The following CELF2 variants were observed in gnomAD, a reference collection of about 807,000 sequenced individuals.
CELF2 encodes the protein CUGBP Elav-like family member 2, also known as CUG triplet repeat RNA-binding protein 2.
A neutral mutation model predicts 62.6 loss-of-function variants in CELF2; 8 were observed. The observed-to-expected ratio is 0.13, with a 90% CI of 0.07 to 0.23. CELF2 has a LOEUF of 0.23. CELF2 is among the 10% of genes least tolerant of loss of function. The pLI is 1.00. For missense variants in CELF2, 333 were observed against 671.0 expected (o/e 0.50, Z 5.56); for synonymous variants, 258 against 250.0 (o/e 1.03, Z -0.30).
At chr10:10,586,972 A>G in the CELF2 span, among the ~76,000 whole-genome samples, 81,166 of 151,864 alleles carry the variant, frequency 0.53, 22,366 homozygotes, top group East Asian at 0.73. Context: ...GTACAGGGAG[A>G]AGGCCTTTGG....
chr10:10,754,061 G>GGTTTTTTTTTTTTTTTT, the CELF2 span, among the ~76,000 whole-genome samples: 3 of 85,056 alleles, frequency 3.5e-5, no homozygotes, highest in Non-Finnish European at 6.6e-5. Context: ...TGCTGAGGTG[G>GGTTTTTTTTTTTTTTTT]TTTTTTTTTT....
chr10:11,044,279 G>C (rs1283018129), intron 1 of CELF2, among the ~76,000 whole-genome samples: 3 of 152,316 alleles, frequency 2.0e-5, no homozygotes, highest in East Asian at 3.8e-4. Flanking sequence ...GAAACAGCAG[G>C]GGCTTGGTCT....
Position 11,285,860 on chromosome 10 carries a change from TG to T in CELF2, c.842-2557del, listed in dbSNP as rs2091106752. On this transcript the variant is annotated intron_variant, in intron 8 of 12. Coordinates refer to ENST00000633077, the MANE Select transcript of CELF2 (RefSeq NM_001326342.2). This position sits in a 1 kb window ranked among gnomAD's most constrained non-coding sequence, Gnocchi z 4.3. ...GTGTGTGTGTGTGTGTGTGTGTGTG[TG>T]TGTGTGTGTGTGTGTGTTTTTACAT... Among the ~76,000 whole-genome samples, 1 of 143,426 alleles carries T rather than the reference TG, an allele frequency of 7.0e-6. No individual in the cohort carries two copies. The highest frequency in any genetic ancestry group is 1.5e-5 in the Non-Finnish European group (1 of 67,522). The allele number at this position is 143,426 out of a possible 152,430, so 94.1% of individuals were successfully genotyped here.
the CELF2 span, among the ~76,000 whole-genome samples, chr10:10,657,094 G>A: frequency 6.6e-5 from 10 of 152,154 alleles, no homozygotes; most frequent in African/African-American, 9.7e-5. Context: ...CAGATTGATA[G>A]AGGCTACAGC....
chr10:11,262,940 CTTTTTTTTTTTTTT>C (rs553831640), intron 5 of CELF2, among the ~76,000 whole-genome samples: 12 of 52,766 alleles, frequency 2.3e-4, no homozygotes, highest in East Asian at 9.7e-4. Flanking sequence ...AGTGGCTTTA[CTTTTTTTTTTTTTT>C]TTTTTTTTTT....
At chr10:11,056,483 C>G (rs1374201140) in intron 1 of CELF2, among the ~76,000 whole-genome samples, 2 of 152,044 alleles carry the variant, frequency 1.3e-5, no homozygotes, top group African/African-American at 4.8e-5. Context: ...TTGTAAGATG[C>G]AATTATAAGC....
chr10:10,508,947 T>TA, the CELF2 span, among the ~76,000 whole-genome samples: 10 of 152,256 alleles, frequency 6.6e-5, no homozygotes, highest in East Asian at 7.7e-4. Flanking sequence ...GTGCTGGGAT[T>TA]ACAGGTGTGA....
the CELF2 span, among the ~76,000 whole-genome samples, chr10:10,729,708 G>T: frequency 6.6e-6 from 1 of 152,036 alleles, no homozygotes; most frequent in Non-Finnish European, 1.5e-5. Flanking sequence ...GAACCTGGGA[G>T]GCGGAGGGTG....
chr10:10,694,817 A>C, the CELF2 span, among the ~76,000 whole-genome samples: 1 of 151,752 alleles, frequency 6.6e-6, no homozygotes, highest in Non-Finnish European at 1.5e-5. Flanking sequence ...CTGTTTTATC[A>C]GAGATGAGGA....
chr10:11,178,344 G>A lies in CELF2; in HGVS notation c.271+12662G>A, dbSNP rs2071998160. Among the ~76,000 whole-genome samples the A allele has an allele frequency of 6.6e-6, 1 of 152,234 alleles. No individual in the cohort carries two copies. The highest frequency in any genetic ancestry group is 2.4e-5 in the African/African-American group (1 of 41,458). On this transcript the variant is annotated intron_variant, in intron 2 of 12. Transcript: ENST00000633077. This position sits in a 1 kb window ranked among gnomAD's most constrained non-coding sequence, Gnocchi z 4.3. ...GGCTCTTAGCTGTTCTGCAAGTCCA[G>A]CACAGGGTGTATTCAGCTCTAGAGG...
chr10:10,613,105 G>A, the CELF2 span, among the ~76,000 whole-genome samples: 2 of 150,712 alleles, frequency 1.3e-5, no homozygotes, highest in African/African-American at 4.9e-5. Context: ...TAATGGCTTC[G>A]AAACTCTTAG....
At chr10:10,552,528 G>A in the CELF2 span, among the ~76,000 whole-genome samples, 1 of 152,140 alleles carries the variant, frequency 6.6e-6, no homozygotes, top group African/African-American at 2.4e-5. Context: ...CATCTACCAG[G>A]CCAGGAAGGA....
intron 2 of CELF2, among the ~76,000 whole-genome samples, chr10:10,998,972 G>GTTTTATCATT (rs748482495): frequency 2.0e-5 from 3 of 152,130 alleles, no homozygotes; most frequent in Non-Finnish European, 4.4e-5. Flanking sequence ...GTAATATACA[G>GTTTTATCATT]TTTTATCATT....
At chr10:11,036,452 A>G (rs962469988) in intron 1 of CELF2, among the ~76,000 whole-genome samples, 15 of 152,240 alleles carry the variant, frequency 9.9e-5, no homozygotes, top group African/African-American at 3.4e-4. Flanking sequence ...TACAATGGCA[A>G]CAGGCTCCTT....
At chr10:11,293,681 T>A (rs2092807921) in intron 9 of CELF2, among the ~76,000 whole-genome samples, 1 of 152,226 alleles carries the variant, frequency 6.6e-6, no homozygotes, top group African/African-American at 2.4e-5. Flanking sequence ...GCACTCACTT[T>A]GTGTCTTGCC....
Position 11,270,855 on chromosome 10 carries a change from C to T in CELF2, c.777+31C>T. Reference sequence around the variant, plus strand: ...TGCTGGGCAATGCCGGCGTGGTCTTCACCCGCTGAAACTCTGCAAACTGAC... The same window carrying T: ...TGCTGGGCAATGCCGGCGTGGTCTTTACCCGCTGAAACTCTGCAAACTGAC... On this transcript the variant is annotated intron_variant, in intron 7 of 12. Transcript: ENST00000633077. The surrounding 1 kb of genome is among the most constrained non-coding windows in gnomAD (Gnocchi z 5.8). 4 of 1,346,546 alleles carry T rather than the reference C, an allele frequency of 3.0e-6. No individual in the cohort carries two copies. Among genetic ancestry groups the T allele is most frequent in the Non-Finnish European group, 3.9e-6 (4 of 1,036,554 alleles). 83.4% of individuals were successfully genotyped at this position (1,346,546 alleles called of 1,614,324 possible).
At chr10:11,026,933 A>G (rs151152123) in intron 1 of CELF2, among the ~76,000 whole-genome samples, 3 of 152,208 alleles carry the variant, frequency 2.0e-5, no homozygotes, top group East Asian at 1.9e-4. Context: ...CGAGTTGAGC[A>G]TAAGGGTGGC....
the CELF2 span, among the ~76,000 whole-genome samples, chr10:10,724,469 C>G: frequency 6.6e-6 from 1 of 152,098 alleles, no homozygotes; most frequent in South Asian, 2.1e-4. Context: ...GCCTGGCCAA[C>G]ATGATGAAAC....
rs576971279 is a variant in CELF2 at position 11,212,712 on chromosome 10, A to G, written c.272-4713A>G. Among the ~76,000 whole-genome samples the G allele has an allele frequency of 6.1e-5, 9 of 148,058 alleles. No individual in the cohort carries two copies. The South Asian group carries it at 2.0e-3, about 32-fold the overall frequency. ...TGCTTGTTAAACTGGCACATGAAGAAGGATGGTGTTTTTTTGTGTTTTGGG... is the reference window on the plus strand; with the variant it reads ...TGCTTGTTAAACTGGCACATGAAGAGGGATGGTGTTTTTTTGTGTTTTGGG... On this transcript the variant is annotated intron_variant, in intron 2 of 12. Coordinates refer to ENST00000633077, the MANE Select transcript of CELF2 (RefSeq NM_001326342.2).
Sources: gnomAD v4.1 joint callset for allele counts (sites outside exome capture counted in the v4.1 genomes callset) on GRCh38, gnomAD v4.1.1 for gene constraint, Gnocchi (gnomAD v3.1) non-coding constraint, MANE v1.5 for transcripts, NCBI Gene and HGNC (gene_info 2026-07-23, HGNC 2026-07-21) for gene names.